The following PCSK5 variants were observed in gnomAD, a reference collection of about 807,000 sequenced individuals.
PCSK5 encodes the protein prohormone convertase 5.
A neutral mutation model predicts 233.2 loss-of-function variants in PCSK5; 129 were observed. The ratio of observed to expected loss-of-function variants is 0.55; its 90% CI spans 0.48 to 0.64. The LOEUF (loss-of-function observed/expected upper bound fraction) is 0.64. Among genes scored for constraint, PCSK5 ranks in the 30% least tolerant of loss-of-function variants. PCSK5 has a pLI of 0.00. For missense variants in PCSK5, 2,076 were observed against 2,430.1 expected, an observed-to-expected ratio of 0.85 and a Z score of 3.06; for synonymous variants, 825 against 879.2, an observed-to-expected ratio of 0.94 and a Z score of 1.09.
At chr9:76,049,952 T>C (rs1422378177) in intron 5 of PCSK5, among the ~76,000 whole-genome samples, 30 of 152,194 alleles carry the variant, frequency 2.0e-4, no homozygotes. Flanking sequence ...CCATTAAATA[T>C]ATTTATTGTT....
intron 5 of PCSK5, among the ~76,000 whole-genome samples, chr9:76,064,308 C>G (rs1336345511): frequency 7.1e-5 from 5 of 70,884 alleles, no homozygotes; most frequent in African/African-American, 1.5e-4. Flanking sequence ...TAGGGGCGGC[C>G]GGGCAGAGGC....
chr9:76,351,533 G>GAAAGAAAAGAAAGA (rs1354864321), intron 36 of PCSK5, among the ~76,000 whole-genome samples: 1 of 15,824 alleles, frequency 6.3e-5, no homozygotes, highest in African/African-American at 1.0e-4. Flanking sequence ...AGAAAGAAAG[G>GAAAGAAAAGAAAGA]AAGGAAAGAA....
chr9:76,007,258 G>C (rs571759128), intron 3 of PCSK5, among the ~76,000 whole-genome samples: 1 of 152,068 alleles, frequency 6.6e-6, no homozygotes, highest in Non-Finnish European at 1.5e-5. Context: ...TTCTATTTCA[G>C]TGTGTTTCAC....
intron 5 of PCSK5, among the ~76,000 whole-genome samples, chr9:76,066,637 G>A (rs112736188): frequency 6.6e-6 from 1 of 152,030 alleles, no homozygotes; most frequent in Non-Finnish European, 1.5e-5. Context: ...AAGGAATTAT[G>A]CAATACATTA....
chr9:75,928,166 TTC>T (rs1250841682), intron 1 of PCSK5, among the ~76,000 whole-genome samples: 2 of 152,286 alleles, frequency 1.3e-5, no homozygotes, highest in African/African-American at 2.4e-5. Flanking sequence ...GAAGAAATTA[TTC>T]TCTCTTTCCT....
chr9:75,892,178 C>T (rs1307510602), intron 1 of PCSK5, among the ~76,000 whole-genome samples: 1 of 152,068 alleles, frequency 6.6e-6, no homozygotes, highest in African/African-American at 2.4e-5. Flanking sequence ...AGCAGGGGCG[C>T]GGGGTTTTTG....
Position 75,986,112 on chromosome 9 carries a change from C to T in PCSK5, c.298-20C>T. On this transcript the variant is annotated intron_variant, in intron 2 of 37. Transcript: ENST00000674117. ...AACCCTGATGGAACGTGAATACTCA[C>T]CAAATGTCCTTCTTGACAGGTGGAA... 7.0e-7 allele frequency: 1 copy of T among 1,420,848 alleles called. No individual in the cohort carries two copies. Among genetic ancestry groups the T allele is most frequent in the East Asian group, 2.3e-5 (1 of 43,982 alleles). The allele number at this position is 1,420,848 out of a possible 1,614,324, so 88.0% of individuals were successfully genotyped here.
At chr9:76,292,737 T>C (rs1828316205) in intron 25 of PCSK5, among the ~76,000 whole-genome samples, 1 of 152,132 alleles carries the variant, frequency 6.6e-6, no homozygotes, top group Non-Finnish European at 1.5e-5. Context: ...GAGGTAACCA[T>C]CACTCCCAAT....
intron 5 of PCSK5, among the ~76,000 whole-genome samples, chr9:76,042,551 G>C (rs1587540448): frequency 6.6e-6 from 1 of 152,134 alleles, no homozygotes; most frequent in East Asian, 1.9e-4. Context: ...GCTACTAGGG[G>C]GGGCTGAGGT....
intron 9 of PCSK5, among the ~76,000 whole-genome samples, chr9:76,122,103 G>A (rs1184188327): frequency 1.4e-4 from 6 of 43,644 alleles, no homozygotes; most frequent in African/African-American, 3.0e-4. Flanking sequence ...GATTACAGGC[G>A]TGAGCCACCG....
At chr9:76,260,029 A>G (rs1827118197) in intron 24 of PCSK5, among the ~76,000 whole-genome samples, 1 of 152,180 alleles carries the variant, frequency 6.6e-6, no homozygotes, top group Non-Finnish European at 1.5e-5. Context: ...TTGATTTTTC[A>G]TAAGTTTTCA....
At chr9:76,310,255 A>G (rs2131437430) in intron 29 of PCSK5, among the ~76,000 whole-genome samples, 1 of 152,066 alleles carries the variant, frequency 6.6e-6, no homozygotes, top group East Asian at 1.9e-4. Context: ...CTCAAAAAAA[A>G]AAAAAAAGAG....
At chr9:76,117,991 C>A (rs960176395) in intron 9 of PCSK5, among the ~76,000 whole-genome samples, 15 of 151,968 alleles carry the variant, frequency 9.9e-5, no homozygotes, top group Non-Finnish European at 1.8e-4. Context: ...CAGGAGTGAT[C>A]GTATTAGTCA....
At chr9:76,041,319 A>G (rs1049158041) in intron 5 of PCSK5, among the ~76,000 whole-genome samples, 2 of 152,210 alleles carry the variant, frequency 1.3e-5, no homozygotes, top group Non-Finnish European at 2.9e-5. Flanking sequence ...GTCTTGGAAA[A>G]TGACTGACCA....
intron 7 of PCSK5, among the ~76,000 whole-genome samples, chr9:76,092,397 TG>T: frequency 6.6e-6 from 1 of 152,268 alleles, no homozygotes; most frequent in Middle Eastern, 3.4e-3. Context: ...TTTTTTTGTT[TG>T]TTTGTTTGTT....
intron 3 of PCSK5, among the ~76,000 whole-genome samples, chr9:76,002,575 C>G (rs938606613): frequency 6.6e-6 from 1 of 152,140 alleles, no homozygotes; most frequent in Non-Finnish European, 1.5e-5. Flanking sequence ...TGTGAATTGA[C>G]AGAAGAGATG....
chr9:75,927,712 G>A (rs1823559591), intron 1 of PCSK5, among the ~76,000 whole-genome samples: 1 of 152,110 alleles, frequency 6.6e-6, no homozygotes, highest in African/African-American at 2.4e-5. Flanking sequence ...TCAGCTGTCT[G>A]TTCAAAAGTC....
intron 2 of PCSK5, among the ~76,000 whole-genome samples, chr9:75,937,265 G>A (rs776700849): frequency 1.3e-5 from 2 of 148,984 alleles, no homozygotes; most frequent in Admixed American, 6.8e-5. Context: ...TGCAACCTCC[G>A]CTTCCCGGGT....
intron 9 of PCSK5, among the ~76,000 whole-genome samples, chr9:76,121,574 G>A (rs945182143): frequency 3.3e-5 from 5 of 152,122 alleles, no homozygotes; most frequent in African/African-American, 1.2e-4. Context: ...GGTAGTAAAC[G>A]GAGAGTCAAG....
Sources: gnomAD v4.1 joint callset for allele counts (sites outside exome capture counted in the v4.1 genomes callset) on GRCh38, gnomAD v4.1.1 for gene constraint, MANE v1.5 for transcripts, NCBI Gene and HGNC (gene_info 2026-07-23, HGNC 2026-07-21) for gene names.